KLHL5: variants seen among roughly 807,000 people sequenced by gnomAD.
KLHL5 encodes the protein kelch-like protein 5.
In KLHL5, 48 loss-of-function variants were observed where a neutral mutation model predicts 77.7. That is an observed-to-expected ratio of 0.62 (90% CI 0.49 to 0.79). The LOEUF is 0.79. KLHL5 is among the 30% of genes least tolerant of loss of function. KLHL5 has a pLI of 0.00. For synonymous variants in KLHL5, 260 were observed against 297.0 expected (o/e 0.88, Z 1.28); for missense variants, 723 against 859.7 (o/e 0.84, Z 1.99).
intron 8 of KLHL5, among the ~76,000 whole-genome samples, chr4:39,111,155 T>G (rs958562386): frequency 6.6e-6 from 1 of 152,124 alleles, no homozygotes; most frequent in South Asian, 2.1e-4. Flanking sequence ...ACACTTAAGA[T>G]CTCCTGTAAG....
At chr4:39,116,992 A>G (rs1271756041) in intron 10 of KLHL5, among the ~76,000 whole-genome samples, 3 of 152,008 alleles carry the variant, frequency 2.0e-5, no homozygotes, top group African/African-American at 7.2e-5. Flanking sequence ...GCCCGCCACC[A>G]CACCCAGCTA....
chr4:39,118,194 A>G (rs1722979971), intron 10 of KLHL5, among the ~76,000 whole-genome samples: 1 of 152,174 alleles, frequency 6.6e-6, no homozygotes, highest in South Asian at 2.1e-4. Flanking sequence ...TAAGCACTGT[A>G]AAGAATTTAA....
chr4:39,115,592 C>CCTG, intron 10 of KLHL5: 2 of 1,426,628 alleles, frequency 1.4e-6, no homozygotes, highest in South Asian at 1.6e-5. Context: ...GTGTTCTAGC[C>CCTG]TGATTAAAGC....
chr4:39,053,348 A>AC (rs1458334787), intron 1 of KLHL5, among the ~76,000 whole-genome samples: 2 of 152,208 alleles, frequency 1.3e-5, no homozygotes, highest in African/African-American at 4.8e-5. Flanking sequence ...TCTGGAGAGT[A>AC]CTGATTCATT....
At chr4:39,116,085 C>G (rs923779826) in intron 10 of KLHL5, 2 of 957,186 alleles carry the variant, frequency 2.1e-6, no homozygotes, top group African/African-American at 3.5e-5. Context: ...ATAATCCCAG[C>G]ACTTTGGGAG....
At chr4:39,091,747 T>G (rs1279490744) in intron 5 of KLHL5, among the ~76,000 whole-genome samples, 2 of 148,260 alleles carry the variant, frequency 1.3e-5, no homozygotes, top group Non-Finnish European at 3.0e-5. Context: ...CATAGCTCAC[T>G]GCAGCCTCAA....
intron 7 of KLHL5, 81 bp downstream of exon 7, chr4:39,103,592 C>G (rs912081099): frequency 9.9e-6 from 11 of 1,107,648 alleles, no homozygotes; most frequent in Non-Finnish European, 1.5e-5. Context: ...GCAGAGGACC[C>G]GTGTGGCAGC....
At chr4:39,073,196 G>C (rs1718656354) in intron 1 of KLHL5, among the ~76,000 whole-genome samples, 1 of 152,138 alleles carries the variant, frequency 6.6e-6, no homozygotes. Flanking sequence ...TGCTCCCTGG[G>C]TTGTCCTGAC....
At chr4:39,058,986 G>C (rs1331463940), upstream of KLHL5, among the ~76,000 whole-genome samples, 5 of 152,118 alleles carry the variant, frequency 3.3e-5, no homozygotes, top group African/African-American at 1.2e-4. Context: ...TGTGAATGAT[G>C]AGTCTAATTT....
intron 1 of KLHL5, among the ~76,000 whole-genome samples, chr4:39,067,698 CAA>C (rs1718023928): frequency 7.2e-6 from 1 of 139,714 alleles, no homozygotes; most frequent in Non-Finnish European, 1.5e-5. Flanking sequence ...TTTAGTGAGA[CAA>C]AGTCTCACTC....
intron 1 of KLHL5, among the ~76,000 whole-genome samples, chr4:39,051,050 C>T (rs1449071518): frequency 1.3e-5 from 2 of 152,210 alleles, no homozygotes; most frequent in Non-Finnish European, 2.9e-5. Context: ...AAGAACGGCA[C>T]ATGTAATATA....
chr4:39,065,438 C>T (rs998228262), intron 1 of KLHL5, among the ~76,000 whole-genome samples: 1 of 151,048 alleles, frequency 6.6e-6, no homozygotes, highest in Non-Finnish European at 1.5e-5. Context: ...TTACTGCAAC[C>T]TCTGCCTCCC....
At chr4:39,073,880 A>G (rs1342095214) in intron 1 of KLHL5, among the ~76,000 whole-genome samples, 1 of 150,060 alleles carries the variant, frequency 6.7e-6, no homozygotes, top group Non-Finnish European at 1.5e-5. Context: ...ATTAGCCAGG[A>G]TGGACTCAAT....
intron 4 of KLHL5, among the ~76,000 whole-genome samples, chr4:39,082,736 A>C (rs912832792): frequency 6.6e-6 from 1 of 152,226 alleles, no homozygotes; most frequent in African/African-American, 2.4e-5. Context: ...CCATGATACA[A>C]GTGTACCTGT....
intron 5 of KLHL5, among the ~76,000 whole-genome samples, chr4:39,090,680 C>G (rs1012205541): frequency 1.3e-5 from 2 of 152,076 alleles, no homozygotes; most frequent in Non-Finnish European, 2.9e-5. Flanking sequence ...AACTCCTGAC[C>G]TCAGGTGATC....
At chr4:39,048,023 A>T (rs1221004748) in intron 1 of KLHL5, among the ~76,000 whole-genome samples, 1 of 152,222 alleles carries the variant, frequency 6.6e-6, no homozygotes, top group African/African-American at 2.4e-5. Context: ...TATGGAATAA[A>T]TGTTGAGAAT....
intron 5 of KLHL5, among the ~76,000 whole-genome samples, chr4:39,089,168 TG>T (rs1342345287): frequency 6.6e-6 from 1 of 152,122 alleles, no homozygotes. Flanking sequence ...ACTGTGGCAG[TG>T]GATATAGATA....
intron 5 of KLHL5, among the ~76,000 whole-genome samples, chr4:39,092,603 T>C (rs1720685039): frequency 6.6e-6 from 1 of 152,198 alleles, no homozygotes; most frequent in African/African-American, 2.4e-5. Context: ...GAAAAAAATG[T>C]GGAGTAATTA....
chr4:39,094,449 A>C (rs1720874589), intron 5 of KLHL5, among the ~76,000 whole-genome samples: 2 of 151,508 alleles, frequency 1.3e-5, no homozygotes, highest in Non-Finnish European at 3.0e-5. Flanking sequence ...TTAATAAATA[A>C]ATTTAAGTTC....
Sources: gnomAD v4.1 joint callset for allele counts (sites outside exome capture counted in the v4.1 genomes callset) on GRCh38, gnomAD v4.1.1 for gene constraint, MANE v1.5 for transcripts, NCBI Gene and HGNC (gene_info 2026-07-23, HGNC 2026-07-21) for gene names.